Variants in BARX1 observed in about 807,000 individuals in gnomAD.
BARX1 encodes BARX homeobox 1.
A neutral mutation model predicts 19.6 loss-of-function variants in BARX1; 10 were observed. The ratio of observed to expected loss-of-function variants is 0.51; its 90% CI spans 0.31 to 0.86. BARX1 has a LOEUF of 0.86. Among genes scored for constraint, BARX1 ranks in the 40% least tolerant of loss-of-function variants. The pLI, the probability that BARX1 is intolerant of heterozygous loss-of-function variation, is 0.04. For missense variants in BARX1, 309 were observed against 360.4 expected, an observed-to-expected ratio of 0.86 and a Z score of 1.15; for synonymous variants, 177 against 170.0, an observed-to-expected ratio of 1.04 and a Z score of -0.32.
At chr9:93,954,848 G>A in intron 1 of BARX1, 76 bp downstream of exon 1, 19 of 1,076,076 alleles carry the variant, frequency 1.8e-5, no homozygotes, top group Non-Finnish European at 2.1e-5. Context: ...GCCGGAGGAG[G>A]CTCGGGGCGC....
At position 93,955,067 on chromosome 9, in the gene BARX1, C is replaced by A. The variant is rs1327136481; in HGVS notation, c.80G>T (p.Arg27Leu). 2 of 1,382,250 alleles carry A rather than the reference C, an allele frequency of 1.4e-6. No homozygotes were observed. Among genetic ancestry groups the A allele is most frequent in the Admixed American group, 5.3e-5 (2 of 37,660 alleles). The allele number at this position is 1,382,250 out of a possible 1,614,324, so 85.6% of individuals were successfully genotyped here. A position where few individuals can be genotyped will look rare whatever the true frequency, so the allele number is the denominator to read the frequency against. ...GAGGATCTCCTCAATCATGAAGCTGCGATAGCGGTGCGGCCGGTGGTCCGC... is the reference window on the plus strand; with the variant it reads ...GAGGATCTCCTCAATCATGAAGCTGAGATAGCGGTGCGGCCGGTGGTCCGC... ...GCADHRPHRY[R>L]SFMIEEILTE... is the part of the protein sequence containing the mutation. Residue 27 changes from arginine (R) to leucine (L), a missense_variant, in exon 1 of 4, where the codon CGC becomes CTC. Around this residue, in one of 3 missense-constraint regions of BARX1, gnomAD observed 204 missense variants for 206.8 expected, o/e 0.99. Transcript: ENST00000253968. The surrounding 1 kb of genome is among the most constrained non-coding windows in gnomAD (Gnocchi z 4.4).
intron 3 of BARX1, among the ~76,000 whole-genome samples, 177 bp downstream of exon 3, chr9:93,952,552 G>A (rs566596612): frequency 6.6e-6 from 1 of 152,358 alleles, no homozygotes; most frequent in Non-Finnish European, 1.5e-5. Flanking sequence ...GGGAAAGGAC[G>A]AAATGTTGGC....
At chr9:93,952,549 G>A (rs925550319) in intron 3 of BARX1, among the ~76,000 whole-genome samples, 180 bp downstream of exon 3, 1 of 152,232 alleles carries the variant, frequency 6.6e-6, no homozygotes, top group African/African-American at 2.4e-5. Context: ...CGCGGGAAAG[G>A]ACGAAATGTT....
rs758702906 is a variant in BARX1 at position 93,954,980 on chromosome 9, A to T, written c.167T>A (p.Leu56Gln). The T allele has an allele frequency of 2.4e-5, 34 of 1,399,972 alleles. No individual in the cohort carries two copies. 86.7% of individuals were successfully genotyped at this position (1,399,972 alleles called of 1,614,324 possible). A position where few individuals can be genotyped will look rare whatever the true frequency, so the allele number is the denominator to read the frequency against. ...PAAAAAAAGE[L>Q]LKFGVQALLA... ...CAGCGCCTGCACGCCGAACTTCAGCAGCTCGCCCGCCGCGGCAGCGGCGGC... is the reference window on the plus strand; with the variant it reads ...CAGCGCCTGCACGCCGAACTTCAGCTGCTCGCCCGCCGCGGCAGCGGCGGC... Residue 56 changes from leucine to glutamine, a missense_variant, in exon 1 of 4, where the codon CTG becomes CAG. By Grantham distance (113) the Leu-to-Gln change is moderately radical (BLOSUM62 -2). Transcript: ENST00000253968.
chr9:93,954,852 G>A (rs1394650103), intron 1 of BARX1, 72 bp downstream of exon 1: 2 of 1,115,726 alleles, frequency 1.8e-6, no homozygotes, highest in Non-Finnish European at 2.3e-6. Flanking sequence ...GAGGAGGCTC[G>A]GGGCGCCCCC....
chr9:93,952,018 G>A lies in BARX1; in HGVS notation c.*146C>T. On this transcript the variant is annotated 3_prime_UTR_variant, in exon 4 of 4. Coordinates refer to ENST00000253968, the MANE Select transcript of BARX1 (RefSeq NM_021570.4). ...TTTGGGTCTGTGTCCTTCCTCGTTT[G>A]GCCCCAATTGTCCGCATTCAAGATC... is the stretch of plus-strand genomic sequence containing the variant. 1 of 1,119,076 alleles carries A rather than the reference G, an allele frequency of 8.9e-7. No individual in the cohort carries two copies. The highest frequency in any genetic ancestry group is 1.6e-5 in the African/African-American group (1 of 63,716). 69.3% of individuals were successfully genotyped at this position (1,119,076 alleles called of 1,614,324 possible). A position where few individuals can be genotyped will look rare whatever the true frequency, so the allele number is the denominator to read the frequency against.
rs1379928435 is a variant in BARX1 at position 93,951,871 on chromosome 9, G to A, written c.*293C>T. ...GGTGGGGGTGCAGGCGAGGAGCGGG[G>A]CGTGAATACGCGTGGAGCGCTCTGC... On this transcript the variant is annotated 3_prime_UTR_variant, in exon 4 of 4. Coordinates refer to ENST00000253968, the MANE Select transcript of BARX1 (RefSeq NM_021570.4). 2.6e-6 allele frequency: 1 copy of A among 391,532 alleles called. No homozygotes were observed. Among genetic ancestry groups the A allele is most frequent in the South Asian group, 3.6e-5 (1 of 27,478 alleles). The allele number at this position is 391,532 out of a possible 1,614,324, so 24.3% of individuals were successfully genotyped here.
intron 3 of BARX1, 133 bp from the exon 4 acceptor site, chr9:93,952,461 GGC>G: frequency 7.4e-7 from 1 of 1,353,008 alleles, no homozygotes; most frequent in Non-Finnish European, 9.9e-7. Context: ...CCCGGGAAAT[GGC>G]GGCCATTTGT....
rs201922522 is a variant in BARX1 at position 93,952,779 on chromosome 9, A to C, written c.550T>G (p.Leu184Val). 1.1e-4 allele frequency: 174 copies of C among 1,614,182 alleles called. No individual in the cohort carries two copies. The highest frequency in any genetic ancestry group is 8.2e-4 in the South Asian group (75 of 91,092). ...DLAESLGLSQLQVKTWYQNRR... is the reference protein window; with the variant it reads ...DLAESLGLSQVQVKTWYQNRR... ...TTCTGGTACCACGTCTTCACCTGCAACTGGCTCAGGCCCAGGGACTCAGCA... is the reference window on the plus strand; with the variant it reads ...TTCTGGTACCACGTCTTCACCTGCACCTGGCTCAGGCCCAGGGACTCAGCA... Residue 184 changes from leucine to valine, a missense_variant, in exon 3 of 4, where the codon TTG (leucine) becomes GTG (valine). Leu to Val is a conservative substitution (Grantham distance 32). This residue lies in a region of BARX1 where 34 missense variants were observed against 73.2 expected (regional missense o/e 0.46). Transcript: ENST00000253968.
intron 1 of BARX1, 160 bp from the exon 2 acceptor site, chr9:93,953,347 A>G: frequency 1.3e-6 from 1 of 777,740 alleles, no homozygotes; most frequent in South Asian, 2.1e-5. Flanking sequence ...GCAGATGGAG[A>G]CCCTCCTCAA....
Position 93,952,124 on chromosome 9 carries a change from G to A in BARX1, c.*40C>T, listed in dbSNP as rs376172181. On this transcript the variant is annotated 3_prime_UTR_variant, in exon 4 of 4. Transcript: ENST00000253968. ...GTTTCCGCCGAGTGAGGGGGCTGCG[G>A]GTGGCGCGGGCATCCCAGGCCCCGC... is the stretch of plus-strand genomic sequence containing the variant. 36 of 1,586,592 alleles carry A rather than the reference G, an allele frequency of 2.3e-5. No individual in the cohort carries two copies. In the African/African-American group the frequency reaches 4.0e-4, roughly 18 times the overall value.
chr9:93,954,699 C>T (rs1718897923), intron 1 of BARX1, among the ~76,000 whole-genome samples: 1 of 152,202 alleles, frequency 6.6e-6, no homozygotes, highest in African/African-American at 2.4e-5. Context: ...GAGCGAACAC[C>T]CTCCCCGGGC....
chr9:93,952,751 C>T lies in BARX1; in HGVS notation c.578G>A (p.Arg193Gln). The T allele has an allele frequency of 1.2e-6, 2 of 1,614,176 alleles. No individual in the cohort carries two copies. The highest frequency in any genetic ancestry group is 1.7e-6 in the Non-Finnish European group (2 of 1,180,032). ...CACTATTTTCTTCCACTTCATCCTC[C>T]GATTCTGGTACCACGTCTTCACCTG... ...QLQVKTWYQN[R>Q]RMKWKKIVLQ... Residue 193 changes from arginine (R) to glutamine (Q), a missense_variant, in exon 3 of 4, where the codon CGG (arginine) becomes CAG (glutamine). Around this residue, in one of 3 missense-constraint regions of BARX1, gnomAD observed 34 missense variants for 73.2 expected, o/e 0.46. Coordinates refer to ENST00000253968, the MANE Select transcript of BARX1 (RefSeq NM_021570.4).
intron 1 of BARX1, among the ~76,000 whole-genome samples, chr9:93,953,585 T>C (rs1829126835): frequency 6.6e-6 from 1 of 152,222 alleles, no homozygotes; most frequent in Admixed American, 6.5e-5. Context: ...AAATCAGCCT[T>C]GCTGCGTTAG....
rs1340093500 is a variant in BARX1, at chr9:93,955,001, G to A, written c.146C>T (p.Ala49Val). ...PGPKGAAPAAAAAAAGELLKF... is the reference protein window; with the variant it reads ...PGPKGAAPAAVAAAAGELLKF... Reference sequence around the variant, plus strand: ...CAGCAGCTCGCCCGCCGCGGCAGCGGCGGCTGCGGGCGCGGCGCCCTTGGG... The same window carrying A: ...CAGCAGCTCGCCCGCCGCGGCAGCGACGGCTGCGGGCGCGGCGCCCTTGGG... The change falls in exon 1 of 4, where the codon GCC becomes GTC. Residue 49 changes from alanine to valine, a missense_variant. Physicochemically the swap from Ala to Val is moderately conservative, Grantham distance 64 (BLOSUM62 0). Around this residue, in one of 3 missense-constraint regions of BARX1, gnomAD observed 204 missense variants for 206.8 expected, o/e 0.99. Coordinates refer to ENST00000253968, the MANE Select transcript of BARX1 (RefSeq NM_021570.4). This position sits in a 1 kb window ranked among gnomAD's most constrained non-coding sequence, Gnocchi z 4.4. 1 of 1,399,438 alleles carries A rather than the reference G, an allele frequency of 7.1e-7. No homozygotes were observed. The highest frequency in any genetic ancestry group is 9.3e-7 in the Non-Finnish European group (1 of 1,077,570). 86.7% of individuals were successfully genotyped at this position (1,399,438 alleles called of 1,614,324 possible).
At chr9:93,953,510 C>G in intron 1 of BARX1, 1 of 356,016 alleles carries the variant, frequency 2.8e-6, no homozygotes, top group Non-Finnish European at 5.0e-6. Flanking sequence ...TCTTGTCTTT[C>G]GGGGAAAGTA....
intron 3 of BARX1, 72 bp downstream of exon 3, chr9:93,952,657 G>A: frequency 1.4e-6 from 2 of 1,481,450 alleles, no homozygotes; most frequent in South Asian, 1.1e-5. Flanking sequence ...GGGAGAAAGA[G>A]GAGAGCAGCT....
intron 3 of BARX1, 47 bp downstream of exon 3, chr9:93,952,682 G>A (rs747526461): frequency 6.4e-6 from 10 of 1,573,558 alleles, no homozygotes; most frequent in Non-Finnish European, 8.7e-6. Flanking sequence ...ATGCACCGGG[G>A]CATGGCCCAG....
At chr9:93,953,577 A>G (rs1365734311) in intron 1 of BARX1, 1 of 238,384 alleles carries the variant, frequency 4.2e-6, no homozygotes. Context: ...CTCCAACCAA[A>G]TCAGCCTTGC....
Sources: gnomAD v4.1 joint callset for allele counts (sites outside exome capture counted in the v4.1 genomes callset) on GRCh38, gnomAD v4.1.1 for gene constraint, gnomAD v4.1.1 regional missense constraint, Gnocchi (gnomAD v3.1) non-coding constraint, MANE v1.5 for transcripts, NCBI Gene and HGNC (gene_info 2026-07-23, HGNC 2026-07-21) for gene names.